The following DLEC1 variants were observed in gnomAD, a reference collection of about 807,000 sequenced individuals.
DLEC1 encodes DLEC1 cilia and flagella associated protein.
Under a neutral mutation model 198.1 loss-of-function variants are expected in DLEC1, and 146 were observed. The ratio of observed to expected loss-of-function variants is 0.74; its 90% CI spans 0.64 to 0.85. The LOEUF is 0.85. DLEC1 is among the 40% of genes least tolerant of loss of function. DLEC1 has a pLI of 0.00. For missense variants in DLEC1, 2,233 were observed against 2,220.0 expected (o/e 1.01, Z -0.12); for synonymous variants, 897 against 866.8 (o/e 1.03, Z -0.61).
intron 22 of DLEC1, 149 bp from the exon 23 acceptor site, chr3:38,109,950 G>T: frequency 1.1e-6 from 1 of 890,992 alleles, no homozygotes; most frequent in South Asian, 1.7e-5. Context: ...GGAAAGGTGG[G>T]TCTGTGGTTG....
chr3:38,062,501 G>T, intron 4 of DLEC1, 80 bp from the exon 5 acceptor site: 1 of 1,578,156 alleles, frequency 6.3e-7, no homozygotes, highest in Non-Finnish European at 8.7e-7. Flanking sequence ...GGCCATCTAT[G>T]GGTCATGCAG....
At chr3:38,075,103 AG>A (rs1697535291) in intron 6 of DLEC1, among the ~76,000 whole-genome samples, 1 of 151,990 alleles carries the variant, frequency 6.6e-6, no homozygotes, top group South Asian at 2.1e-4. Flanking sequence ...CAGCCTGAGG[AG>A]GAGGGGAAAG....
Position 38,112,938 on chromosome 3 carries a change from T to C in DLEC1, c.3666+577T>C, listed in dbSNP as rs1325052203. 2.0e-5 allele frequency among the ~76,000 whole-genome samples: 3 copies of C among 152,226 alleles called. No individual in the cohort carries two copies. The highest frequency in any genetic ancestry group is 7.2e-5 in the African/African-American group (3 of 41,458). ...GTTATCCTACCGTTAAGTTGTTAAA[T>C]AGAAGATTTTCATGAACTATTTAGT... On this transcript the variant is annotated intron_variant, in intron 25 of 36. Transcript: ENST00000308059. The surrounding 1 kb of genome is among the most constrained non-coding windows in gnomAD (Gnocchi z 4.8).
At chr3:38,096,088 C>A in intron 14 of DLEC1, 142 bp downstream of exon 14, 1 of 984,508 alleles carries the variant, frequency 1.0e-6, no homozygotes, top group Non-Finnish European at 1.5e-6. Context: ...ATTTTTTTTG[C>A]CTTGCCCTGG....
Position 38,093,637 on chromosome 3 carries a change from T to C in DLEC1, c.1789T>C (p.Tyr597His), listed in dbSNP as rs766020781. 2 of 1,614,212 alleles carry C rather than the reference T, an allele frequency of 1.2e-6. No homozygotes were observed. Among genetic ancestry groups the C allele is most frequent in the African/African-American group, 1.3e-5 (1 of 75,034 alleles). The change falls in exon 12 of 37, where the codon TAT becomes CAT. Residue 597 changes from tyrosine to histidine, a missense_variant. By Grantham distance (83) the Tyr-to-His change is moderately conservative. Transcript: ENST00000308059. ...GCAGCTGATTGCTTTGGATCTGATC[T>C]ATATTTCTGGTGAAAAAAGCCAGCC... ...IGQLIALDLI[Y>H]ISGEKSQPDP...
chr3:38,100,904 GAGGAACATGCTAGAGGTTTCAA>G (rs1224247710), intron 19 of DLEC1, among the ~76,000 whole-genome samples: 25 of 152,184 alleles, frequency 1.6e-4, no homozygotes, highest in Non-Finnish European at 3.4e-4. Flanking sequence ...TGTATTCTGG[GAGGAACATGCTAGAGGTTTCAA>G]AGGTATTGGT....
At position 38,097,212 on chromosome 3, in the gene DLEC1, T is replaced by A. The variant is rs1348552109; in HGVS notation, c.2371T>A (p.Tyr791Asn). 1 of 1,584,776 alleles carries A rather than the reference T, an allele frequency of 6.3e-7. No individual in the cohort carries two copies. The highest frequency in any genetic ancestry group is 8.6e-7 in the Non-Finnish European group (1 of 1,164,172). Residue 791 changes from tyrosine (Y) to asparagine (N), a missense_variant, in exon 16 of 37, where the codon TAC (tyrosine) becomes AAC (asparagine). Physicochemically the swap from Tyr to Asn is moderately radical, Grantham distance 143. Coordinates refer to ENST00000308059, the MANE Select transcript of DLEC1 (RefSeq NM_007335.4). ...MWNNSKSPIRYLWGKISDCHI... is the reference protein window; with the variant it reads ...MWNNSKSPIRNLWGKISDCHI... Reference sequence around the variant, plus strand: ...GAACAACAGCAAGTCACCCATCAGATACCTGTGGGGGAAGATCAGCGACTG... The same window carrying A: ...GAACAACAGCAAGTCACCCATCAGAAACCTGTGGGGGAAGATCAGCGACTG...
In DLEC1 at chr3:38,107,746, G is replaced by C. The variant is rs764641732; in HGVS notation, c.3018+9G>C. On this transcript the variant is annotated intron_variant, in intron 20 of 36. Coordinates refer to ENST00000308059, the MANE Select transcript of DLEC1 (RefSeq NM_007335.4). ...AGTTCCACTGGGGCAAGGTGAGTGA[G>C]CCCACAGCATCAGGCAGCAGTCTGC... 2.0e-5 allele frequency: 33 copies of C among 1,612,964 alleles called. No homozygotes were observed. Among genetic ancestry groups the C allele is most frequent in the Non-Finnish European group, 2.7e-5 (32 of 1,179,504 alleles).
chr3:38,090,226 A>G (rs1426043870), intron 10 of DLEC1, among the ~76,000 whole-genome samples: 1 of 152,182 alleles, frequency 6.6e-6, no homozygotes, highest in Admixed American at 6.5e-5. Flanking sequence ...AAAACATTCA[A>G]AAGATGTAAA....
At chr3:38,096,531 G>GT (rs1387544418) in intron 14 of DLEC1, 38 bp from the exon 15 acceptor site, 14 of 1,590,456 alleles carry the variant, frequency 8.8e-6, no homozygotes, top group African/African-American at 4.0e-5. Flanking sequence ...GTGCTTCCAG[G>GT]TGTGCCGGCT....
At position 38,123,002 on chromosome 3, in the gene DLEC1, G is replaced by T; in HGVS notation, c.*590G>T. 6.4e-7 allele frequency: 1 copy of T among 1,571,654 alleles called. No homozygotes were observed. Among genetic ancestry groups the T allele is most frequent in the South Asian group, 1.1e-5 (1 of 90,098 alleles). On this transcript the variant is annotated 3_prime_UTR_variant, in exon 37 of 37. Coordinates refer to ENST00000308059, the MANE Select transcript of DLEC1 (RefSeq NM_007335.4). ...TTGTGGTGTTACTGCCTTGCTGCTA[G>T]AGCAGCAGGACTGTCTGCGTAGCGC...
Position 38,111,656 on chromosome 3 carries a change from T to C in DLEC1, c.3444-21T>C, listed in dbSNP as rs542458872. On this transcript the variant is annotated intron_variant, in intron 23 of 36. Coordinates refer to ENST00000308059, the MANE Select transcript of DLEC1 (RefSeq NM_007335.4). ...CAGGCTTGTCTGACTTGATACTATT[T>C]CTGTGTCTCCACTTGTAAAGTCCCA... The C allele has an allele frequency of 5.6e-6, 9 of 1,611,234 alleles. No individual in the cohort carries two copies. The South Asian group carries it at 9.9e-5, about 18-fold the overall frequency.
chr3:38,069,868 T>C (rs1697223493), intron 6 of DLEC1, among the ~76,000 whole-genome samples: 1 of 152,352 alleles, frequency 6.6e-6, no homozygotes, highest in Admixed American at 6.5e-5. Context: ...TAAATGCTGA[T>C]TTAGGAATAC....
At chr3:38,093,889 C>A (rs1251700746) in intron 12 of DLEC1, 122 bp downstream of exon 12, 5 of 1,298,256 alleles carry the variant, frequency 3.9e-6, no homozygotes, top group Non-Finnish European at 4.2e-6. Context: ...GAATGGATAT[C>A]CAAATTCAAT....
At chr3:38,109,297 C>T in intron 21 of DLEC1, 135 bp from the exon 22 acceptor site, 1 of 1,314,656 alleles carries the variant, frequency 7.6e-7, no homozygotes, top group South Asian at 1.4e-5. Flanking sequence ...ACTGGCTGGG[C>T]TCACTGGAGG....
chr3:38,086,138 C>A, intron 8 of DLEC1, 103 bp from the exon 9 acceptor site: 4 of 1,471,428 alleles, frequency 2.7e-6, no homozygotes, highest in Non-Finnish European at 3.7e-6. Context: ...TGGGCTGGGA[C>A]CAGCTGTCCT....
At position 38,045,586 on chromosome 3, in the gene DLEC1, T is replaced by C. The variant is rs373832144; in HGVS notation, c.455T>C (p.Leu152Ser). The part of the protein sequence containing the change: ...YKQRLDEFEM[L>S]ERHITQAQAR... The stretch of plus-strand genomic sequence containing the variant: ...CAGCGGCTGGATGAGTTTGAAATGT[T>C]GGAGAGACATATCACTCAGGCCCAA... The change falls in exon 2 of 37, where the codon TTG (leucine) becomes TCG (serine). Residue 152 changes from leucine (L) to serine (S), a missense_variant. Leu to Ser is a moderately radical substitution (Grantham distance 145). Transcript: ENST00000308059. 48 of 1,614,008 alleles carry C rather than the reference T, an allele frequency of 3.0e-5. No homozygotes were observed. The highest frequency in any genetic ancestry group is 4.5e-5 in the East Asian group (2 of 44,894).
At chr3:38,104,984 C>A (rs535992981) in intron 19 of DLEC1, among the ~76,000 whole-genome samples, 1 of 152,220 alleles carries the variant, frequency 6.6e-6, no homozygotes, top group East Asian at 1.9e-4. Flanking sequence ...CATCCTATAA[C>A]TTTTCATATA....
At chr3:38,106,104 A>G (rs1699554581) in intron 19 of DLEC1, among the ~76,000 whole-genome samples, 2 of 152,212 alleles carry the variant, frequency 1.3e-5, no homozygotes, top group Admixed American at 1.3e-4. Context: ...TTGTCATACA[A>G]ATTACATATT....
Sources: allele counts gnomAD v4.1 joint callset (sites outside exome capture counted in the v4.1 genomes callset), GRCh38; gene constraint gnomAD v4.1.1; non-coding constraint Gnocchi (gnomAD v3.1); transcripts MANE v1.5; gene names NCBI Gene and HGNC (gene_info 2026-07-23, HGNC 2026-07-21).